Variants in ENAH observed in about 807,000 individuals in gnomAD.
ENAH encodes protein enabled homolog.
In ENAH, 23 loss-of-function variants were observed where a neutral mutation model predicts 78.7. That is an observed-to-expected ratio of 0.29 (90% CI 0.21 to 0.41). The LOEUF is 0.41. Among genes scored for constraint, ENAH ranks in the 10% least tolerant of loss-of-function variants. The pLI is 1.00. For missense variants in ENAH, 544 were observed against 691.0 expected (o/e 0.79, Z 2.39); for synonymous variants, 226 against 241.0 (o/e 0.94, Z 0.58).
intron 1 of ENAH, among the ~76,000 whole-genome samples, chr1:225,620,084 A>G (rs1042746012): frequency 6.6e-6 from 1 of 152,100 alleles, no homozygotes; most frequent in Non-Finnish European, 1.5e-5. Context: ...AGCCCTCATT[A>G]TAACACAGTT....
intron 1 of ENAH, among the ~76,000 whole-genome samples, chr1:225,589,078 G>A (rs2096862527): frequency 6.6e-6 from 1 of 152,050 alleles, no homozygotes; most frequent in Non-Finnish European, 1.5e-5. Flanking sequence ...ATATTTTACG[G>A]TTCCTAGATG....
In ENAH at chr1:225,519,031, TAAAAAG is replaced by T. The variant is rs1472324359; in HGVS notation, c.802+161_802+166del. ...GCAATAAAAGCAATACAGAGAGAAATAAAAAGAAAATGTTAAAGTAGTAATTGCTGC... is the reference window on the plus strand; with the variant it reads ...GCAATAAAAGCAATACAGAGAGAAATAAAATGTTAAAGTAGTAATTGCTGC... On this transcript the variant is annotated intron_variant, in intron 5 of 13. Transcript: ENST00000366843. 4.8e-5 allele frequency: 54 copies of T among 1,135,424 alleles called. No homozygotes were observed. The East Asian group carries it at 8.6e-4, about 18-fold the overall frequency. The allele number at this position is 1,135,424 out of a possible 1,614,324, so 70.3% of individuals were successfully genotyped here.
At chr1:225,520,208 T>C (rs1364679505) in intron 4 of ENAH, among the ~76,000 whole-genome samples, 1 of 151,304 alleles carries the variant, frequency 6.6e-6, no homozygotes, top group Non-Finnish European at 1.5e-5. Flanking sequence ...GGCAGGAGAA[T>C]CGCTTGAACC....
chr1:225,491,661 G>A lies in ENAH; in HGVS notation c.*6114C>T, dbSNP rs2096222972. 6.6e-6 allele frequency: 1 copy of A among 152,066 alleles called. No homozygotes were observed. Among genetic ancestry groups the A allele is most frequent in the African/African-American group, 2.4e-5 (1 of 41,376 alleles). 9.4% of individuals were successfully genotyped at this position (152,066 alleles called of 1,614,324 possible). On this transcript the variant is annotated 3_prime_UTR_variant, in exon 14 of 14. Coordinates refer to ENST00000366843, the MANE Select transcript of ENAH (RefSeq NM_018212.6). ...AGAACCTTTTCTCTCAGTTTCTATA[G>A]ACTTGGATGGAAACTTTTGGACTTG...
chr1:225,634,699 A>G (rs1659748704), intron 1 of ENAH, among the ~76,000 whole-genome samples: 1 of 152,216 alleles, frequency 6.6e-6, no homozygotes, highest in Admixed American at 6.5e-5. Context: ...AGTTCTTGTC[A>G]CTGTCATCAA....
chr1:225,582,537 G>A (rs2096824269), intron 1 of ENAH, among the ~76,000 whole-genome samples: 1 of 152,194 alleles, frequency 6.6e-6, no homozygotes, highest in South Asian at 2.1e-4. Context: ...AGACTTTCTA[G>A]CTTAAAGATA....
At chr1:225,551,934 G>A (rs922862946) in intron 3 of ENAH, among the ~76,000 whole-genome samples, 1 of 152,120 alleles carries the variant, frequency 6.6e-6, no homozygotes, top group Non-Finnish European at 1.5e-5. Context: ...GACAGTAGAT[G>A]ATTTCAGCAG....
At chr1:225,519,611 C>A in intron 4 of ENAH, 46 bp from the exon 5 acceptor site, 1 of 1,562,698 alleles carries the variant, frequency 6.4e-7, no homozygotes, top group Non-Finnish European at 8.6e-7. Context: ...TATGGCTACT[C>A]ATCATGAAAA....
chr1:225,587,327 G>A lies in ENAH; in HGVS notation c.6-19913C>T, dbSNP rs970306153. The stretch of plus-strand genomic sequence containing the variant: ...GCAAATTAGTAAGTGAATTTAGCAA[G>A]GTCACAGGATTCAAGTTTAATTTAA... On this transcript the variant is annotated intron_variant, in intron 1 of 13. Transcript: ENST00000366843. Among the ~76,000 whole-genome samples, 6 of 152,086 alleles carry A rather than the reference G, an allele frequency of 3.9e-5. No individual in the cohort carries two copies. The South Asian group carries it at 6.2e-4, about 16-fold the overall frequency.
chr1:225,525,922 A>G (rs2096500561), intron 4 of ENAH, among the ~76,000 whole-genome samples: 1 of 151,918 alleles, frequency 6.6e-6, no homozygotes, highest in Non-Finnish European at 1.5e-5. Flanking sequence ...ACTGGGCTGG[A>G]CTTTTGGTGA....
chr1:225,538,620 A>C (rs1351955875), intron 3 of ENAH, among the ~76,000 whole-genome samples: 3 of 142,244 alleles, frequency 2.1e-5, no homozygotes, highest in Non-Finnish European at 4.6e-5. Flanking sequence ...TTTTTTTCCC[A>C]TCCTTTATTT....
At chr1:225,650,778 A>T (rs1224712076) in intron 1 of ENAH, among the ~76,000 whole-genome samples, 2 of 136,304 alleles carry the variant, frequency 1.5e-5, no homozygotes, top group East Asian at 4.7e-4. Context: ...TGAACCCAGG[A>T]GGCGGAGGTT....
At chr1:225,532,948 T>C (rs963344648) in intron 3 of ENAH, among the ~76,000 whole-genome samples, 2 of 152,090 alleles carry the variant, frequency 1.3e-5, no homozygotes, top group Admixed American at 6.6e-5. Flanking sequence ...TTCTTTGTGA[T>C]GATAATGGAT....
intron 4 of ENAH, among the ~76,000 whole-genome samples, chr1:225,520,394 A>G (rs1244741079): frequency 1.3e-5 from 2 of 152,192 alleles, no homozygotes; most frequent in African/African-American, 4.8e-5. Context: ...TATCATCAAC[A>G]TATGTATATA....
chr1:225,521,196 T>C (rs762546776), intron 4 of ENAH, among the ~76,000 whole-genome samples: 11 of 152,214 alleles, frequency 7.2e-5, no homozygotes, highest in Non-Finnish European at 1.5e-4. Flanking sequence ...CCTAACACTA[T>C]TGGCAATACT....
intron 1 of ENAH, among the ~76,000 whole-genome samples, chr1:225,572,205 G>GA (rs2096766451): frequency 6.6e-6 from 1 of 152,060 alleles, no homozygotes; most frequent in South Asian, 2.1e-4. Context: ...AGAGACTGTT[G>GA]AAGTAAGGAA....
chr1:225,633,586 A>T (rs902898896), intron 1 of ENAH, among the ~76,000 whole-genome samples: 2 of 152,192 alleles, frequency 1.3e-5, no homozygotes, highest in Non-Finnish European at 2.9e-5. Context: ...TATCTACTGT[A>T]TGACTCCAGC....
At chr1:225,629,221 T>C (rs2148335345) in intron 1 of ENAH, among the ~76,000 whole-genome samples, 1 of 151,966 alleles carries the variant, frequency 6.6e-6, no homozygotes, top group African/African-American at 2.4e-5. Flanking sequence ...GAGGTTGCAG[T>C]GAGCCGAGAT....
At chr1:225,611,745 C>T (rs2148132188) in intron 1 of ENAH, among the ~76,000 whole-genome samples, 1 of 152,200 alleles carries the variant, frequency 6.6e-6, no homozygotes. Context: ...TGTGTTCACA[C>T]CACTGCACTC....
Sources: gnomAD v4.1 joint callset for allele counts (sites outside exome capture counted in the v4.1 genomes callset) on GRCh38, gnomAD v4.1.1 for gene constraint, MANE v1.5 for transcripts, NCBI Gene and HGNC (gene_info 2026-07-23, HGNC 2026-07-21) for gene names.